Variants in DIAPH2 observed in about 807,000 individuals in gnomAD.
DIAPH2 encodes the protein protein diaphanous homolog 2.
Under a neutral mutation model 92.7 loss-of-function variants are expected in DIAPH2, and 35 were observed. The ratio of observed to expected loss-of-function variants is 0.38; its 90% CI spans 0.29 to 0.50. The LOEUF (loss-of-function observed/expected upper bound fraction) is 0.50. DIAPH2 is among the 20% of genes least tolerant of loss of function. DIAPH2 has a pLI of 0.94. For missense variants in DIAPH2, 701 were observed against 819.5 expected (o/e 0.86, Z 1.77); for synonymous variants, 301 against 280.4 (o/e 1.07, Z -0.73).
At chrX:97,088,596 T>A (rs1025963238) in intron 19 of DIAPH2, among the ~76,000 whole-genome samples, 2 of 111,894 alleles carry the variant, frequency 1.8e-5, no homozygotes, top group East Asian at 2.8e-4. Flanking sequence ...CAAGGCTATA[T>A]TGAATGGGTG....
chrX:97,346,794 C>G (rs1018304709), intron 23 of DIAPH2, among the ~76,000 whole-genome samples: 1 of 111,185 alleles, frequency 9.0e-6, no homozygotes, highest in Non-Finnish European at 1.9e-5. Context: ...TAAGGACATT[C>G]TTTTCCTTCA....
intron 22 of DIAPH2, among the ~76,000 whole-genome samples, chrX:97,184,954 TTGTC>T (rs1431882836): frequency 9.2e-6 from 1 of 108,724 alleles, no homozygotes; most frequent in African/African-American, 3.4e-5. Flanking sequence ...ATTCCTTACT[TTGTC>T]TGGGCTCCTG....
At chrX:96,714,413 C>T (rs1021398919) in intron 1 of DIAPH2, among the ~76,000 whole-genome samples, 8 of 109,463 alleles carry the variant, frequency 7.3e-5, no homozygotes, top group Non-Finnish European at 1.1e-4. Context: ...TACAGGCATG[C>T]GCCACCACAC....
chrX:97,588,996 AATAT>A (rs199558439), intron 26 of DIAPH2, among the ~76,000 whole-genome samples: 520 of 31,702 alleles, frequency 0.016, 17 homozygotes, highest in South Asian at 0.035. Context: ...ATATTATAGA[AATAT>A]ATATATATAT....
intron 17 of DIAPH2, among the ~76,000 whole-genome samples, chrX:97,048,862 G>A (rs1385294325): frequency 2.7e-5 from 3 of 110,651 alleles, no homozygotes; most frequent in Admixed American, 9.6e-5. Flanking sequence ...GATTTAGCCA[G>A]TGAGAGCTCC....
intron 22 of DIAPH2, among the ~76,000 whole-genome samples, chrX:97,165,225 A>G (rs2067402799): frequency 9.0e-6 from 1 of 111,097 alleles, no homozygotes; most frequent in Non-Finnish European, 1.9e-5. Context: ...GTGCAGGGAG[A>G]GGGCTCCTTC....
At chrX:96,811,358 C>A (rs1050582834) in intron 4 of DIAPH2, among the ~76,000 whole-genome samples, 14 of 111,720 alleles carry the variant, frequency 1.3e-4, no homozygotes, top group Non-Finnish European at 2.4e-4. Context: ...GATTTTTGTA[C>A]ATTGATTTTG....
intron 16 of DIAPH2, among the ~76,000 whole-genome samples, chrX:96,963,409 C>T (rs1419332945): frequency 9.1e-6 from 1 of 110,418 alleles, no homozygotes; most frequent in Non-Finnish European, 1.9e-5. Flanking sequence ...AATCTGTTAC[C>T]ATACTGCACC....
At chrX:97,448,396 A>T (rs898792772) in intron 26 of DIAPH2, among the ~76,000 whole-genome samples, 1 of 112,234 alleles carries the variant, frequency 8.9e-6, no homozygotes, top group African/African-American at 3.2e-5. Context: ...GAAACTAAAA[A>T]TTATTTTTTC....
At chrX:97,067,519 G>C (rs1409724100) in intron 17 of DIAPH2, among the ~76,000 whole-genome samples, 4 of 111,850 alleles carry the variant, frequency 3.6e-5, no homozygotes, top group Non-Finnish European at 5.6e-5. Context: ...AAACATTAAA[G>C]TTAAAATGGA....
At chrX:97,445,629 G>A (rs1301061620) in intron 26 of DIAPH2, among the ~76,000 whole-genome samples, 1 of 103,197 alleles carries the variant, frequency 9.7e-6, no homozygotes, top group Non-Finnish European at 2.0e-5. Flanking sequence ...TGTATTTTTA[G>A]TAGAGATGGA....
intron 1 of DIAPH2, among the ~76,000 whole-genome samples, chrX:96,694,177 TTA>T (rs1475314818): frequency 2.7e-5 from 3 of 112,117 alleles, no homozygotes; most frequent in Non-Finnish European, 3.8e-5. Context: ...AGGGCCTAGG[TTA>T]TAGTTCAGTA....
At chrX:97,151,907 C>T (rs1405492351) in intron 22 of DIAPH2, among the ~76,000 whole-genome samples, 5 of 110,695 alleles carry the variant, frequency 4.5e-5, no homozygotes, top group African/African-American at 1.3e-4. Flanking sequence ...GTAGTATTGT[C>T]AAGGGGGGAG....
chrX:96,743,148 T>C (rs2064130158), intron 3 of DIAPH2, among the ~76,000 whole-genome samples: 1 of 112,350 alleles, frequency 8.9e-6, no homozygotes, highest in African/African-American at 3.2e-5. Flanking sequence ...TAAAGAACTG[T>C]ACAACTTTGT....
rs761237851 is a variant in DIAPH2, at chrX:97,568,038, C to T, written c.3242-31215C>T. ...GGCTGAGGCAGGAGAATCGCTTGAA[C>T]CTGGGAGGCGGAGGTTGCAATGAGT... On this transcript the variant is annotated intron_variant, in intron 26 of 26. Transcript: ENST00000324765. Among the ~76,000 whole-genome samples the T allele has an allele frequency of 6.3e-4, 59 of 93,101 alleles. 1 individual carries two copies. The highest frequency in any genetic ancestry group is 2.3e-3 in the African/African-American group (58 of 24,769). The allele number at this position is 93,101 out of a possible 115,157, so 80.8% of individuals were successfully genotyped here. A position where few individuals can be genotyped will look rare whatever the true frequency, so the allele number is the denominator to read the frequency against.
At chrX:97,418,442 C>G (rs1053398705) in intron 25 of DIAPH2, among the ~76,000 whole-genome samples, 3 of 111,767 alleles carry the variant, frequency 2.7e-5, no homozygotes, top group African/African-American at 9.8e-5. Flanking sequence ...AGTTACCTGA[C>G]TGCACTCTCA....
At chrX:97,109,221 A>T (rs1469490094) in intron 20 of DIAPH2, among the ~76,000 whole-genome samples, 2 of 110,930 alleles carry the variant, frequency 1.8e-5, no homozygotes, top group South Asian at 3.9e-4. Context: ...GGAGTTCAAG[A>T]CCAGCCTGGG....
At chrX:97,040,282 C>G (rs2066439824) in intron 17 of DIAPH2, among the ~76,000 whole-genome samples, 1 of 108,583 alleles carries the variant, frequency 9.2e-6, no homozygotes, top group African/African-American at 3.4e-5. Flanking sequence ...CACCTAACGT[C>G]TAGATCTCTC....
chrX:97,267,414 A>G (rs1179266268), intron 23 of DIAPH2, among the ~76,000 whole-genome samples: 2 of 111,609 alleles, frequency 1.8e-5, no homozygotes, highest in African/African-American at 3.3e-5. Context: ...CTTAGGTTAC[A>G]ATGAAAACCC....
Sources: gnomAD v4.1 joint callset for allele counts (sites outside exome capture counted in the v4.1 genomes callset) on GRCh38, gnomAD v4.1.1 for gene constraint, MANE v1.5 for transcripts, NCBI Gene and HGNC (gene_info 2026-07-23, HGNC 2026-07-21) for gene names.